The following CCSER1 variants were observed in gnomAD, a reference collection of about 807,000 sequenced individuals.
CCSER1 encodes the protein serine-rich coiled-coil domain-containing protein 1.
A neutral mutation model predicts 82.0 loss-of-function variants in CCSER1; 41 were observed. The observed-to-expected ratio is 0.50, with a 90% CI of 0.39 to 0.65. CCSER1 has a LOEUF of 0.65. Among genes scored for constraint, CCSER1 ranks in the 30% least tolerant of loss-of-function variants. The pLI is 0.00. For synonymous variants in CCSER1, 414 were observed against 383.9 expected (o/e 1.08, Z -0.92); for missense variants, 1,119 against 1,064.2 (o/e 1.05, Z -0.72).
intron 4 of CCSER1, among the ~76,000 whole-genome samples, chr4:90,451,017 A>G (rs1275167012): frequency 6.6e-6 from 1 of 152,190 alleles, no homozygotes; most frequent in Non-Finnish European, 1.5e-5. Flanking sequence ...TCCATGGAAT[A>G]TGAGTATCTT....
At chr4:90,873,059 C>T (rs1445541926) in intron 8 of CCSER1, among the ~76,000 whole-genome samples, 8 of 151,894 alleles carry the variant, frequency 5.3e-5, no homozygotes, top group African/African-American at 9.7e-5. Flanking sequence ...TAGTCTTATG[C>T]GGGTTAAATC....
chr4:91,199,818 A>C (rs1735757792), intron 10 of CCSER1, among the ~76,000 whole-genome samples: 1 of 152,040 alleles, frequency 6.6e-6, no homozygotes, highest in Non-Finnish European at 1.5e-5. Context: ...TGGACATGTC[A>C]GTGATTATAG....
chr4:91,220,078 C>T (rs535765163), intron 10 of CCSER1, among the ~76,000 whole-genome samples: 21 of 152,282 alleles, frequency 1.4e-4, no homozygotes, highest in Middle Eastern at 3.4e-3. Flanking sequence ...CCTCCCGAGT[C>T]ACTTTTGGGA....
rs926417906 is a variant in CCSER1 at position 91,144,458 on chromosome 4, G to A, written c.2217+58464G>A. 1.4e-4 allele frequency among the ~76,000 whole-genome samples: 21 copies of A among 151,650 alleles called. No individual in the cohort carries two copies. The East Asian group carries it at 1.9e-3, about 14-fold the overall frequency. On this transcript the variant is annotated intron_variant, in intron 10 of 10. Coordinates refer to ENST00000509176, the MANE Select transcript of CCSER1 (RefSeq NM_001145065.2). ...GTATGAATTTTTGGGTCTCAATTTC[G>A]TTTAGTTCTATTTGGATTTTAGTTA...
intron 10 of CCSER1, among the ~76,000 whole-genome samples, chr4:91,140,611 G>A (rs1356053763): frequency 1.3e-5 from 2 of 152,066 alleles, no homozygotes; most frequent in Middle Eastern, 3.4e-3. Context: ...CATACAACCT[G>A]TACATTTCTC....
At chr4:90,210,450 C>CTTT (rs11438395) in intron 1 of CCSER1, among the ~76,000 whole-genome samples, 1 of 141,298 alleles carries the variant, frequency 7.1e-6, no homozygotes, top group African/African-American at 2.7e-5. Context: ...CTTTTCTTTT[C>CTTT]TTTTTTTTTT....
At chr4:90,706,047 G>A (rs1343326099) in intron 6 of CCSER1, among the ~76,000 whole-genome samples, 3 of 152,132 alleles carry the variant, frequency 2.0e-5, no homozygotes, top group Admixed American at 6.5e-5. Context: ...TGCAGAAATC[G>A]CCCATCTTCT....
intron 8 of CCSER1, chr4:90,839,059 C>A: frequency 6.2e-7 from 1 of 1,606,554 alleles, no homozygotes; most frequent in Non-Finnish European, 8.5e-7. Context: ...AAAAGCGGAG[C>A]GAGGCGCGCG....
At chr4:91,048,718 C>T (rs1329073457) in intron 9 of CCSER1, among the ~76,000 whole-genome samples, 3 of 152,122 alleles carry the variant, frequency 2.0e-5, no homozygotes, top group Admixed American at 2.0e-4. Flanking sequence ...TGAAATCTTT[C>T]TGTGTTTCTA....
In CCSER1 at chr4:90,715,398, G is replaced by A. The variant is rs139493337; in HGVS notation, c.1933-8516G>A. Among the ~76,000 whole-genome samples, 3 of 152,042 alleles carry A rather than the reference G, an allele frequency of 2.0e-5. No homozygotes were observed. The East Asian group carries it at 5.8e-4, about 29-fold the overall frequency. ...TGGGTTATTGCCTTGCCATAGCCTA[G>A]TAATTTGGGTTATTCTAGGGTTTGG... On this transcript the variant is annotated intron_variant, in intron 6 of 10. Coordinates refer to ENST00000509176, the MANE Select transcript of CCSER1 (RefSeq NM_001145065.2).
intron 10 of CCSER1, among the ~76,000 whole-genome samples, chr4:91,598,323 A>G (rs1258001887): frequency 6.6e-6 from 1 of 152,168 alleles, no homozygotes; most frequent in Non-Finnish European, 1.5e-5. Flanking sequence ...GAAGCTATAT[A>G]ATTCAAATTT....
chr4:90,808,503 C>G (rs1757812524), intron 7 of CCSER1, among the ~76,000 whole-genome samples: 1 of 152,036 alleles, frequency 6.6e-6, no homozygotes, highest in South Asian at 2.1e-4. Context: ...CGACAAAGAA[C>G]TAATATCCAG....
At chr4:90,379,563 A>T (rs568913722) in intron 3 of CCSER1, among the ~76,000 whole-genome samples, 1 of 152,146 alleles carries the variant, frequency 6.6e-6, no homozygotes, top group Non-Finnish European at 1.5e-5. Context: ...TTTTGATTAT[A>T]GGGGAAGGAA....
At chr4:90,241,843 T>G (rs1746910152) in intron 1 of CCSER1, among the ~76,000 whole-genome samples, 1 of 152,232 alleles carries the variant, frequency 6.6e-6, no homozygotes, top group African/African-American at 2.4e-5. Flanking sequence ...CTATAAAAAC[T>G]ATTATGATTC....
In CCSER1 at chr4:90,389,771, G is replaced by A. The variant is rs375125328; in HGVS notation, c.1510-10265G>A. On this transcript the variant is annotated intron_variant, in intron 3 of 10. Coordinates refer to ENST00000509176, the MANE Select transcript of CCSER1 (RefSeq NM_001145065.2). ...ACACAGCACATGGTGTGTCTGTTCT[G>A]TGAGTCCAGCACATGCTGAACATAA... Among the ~76,000 whole-genome samples, 25 of 152,216 alleles carry A rather than the reference G, an allele frequency of 1.6e-4. No homozygotes were observed. In the East Asian group the frequency reaches 4.6e-3, roughly 28 times the overall value.
rs559864106 is a variant in CCSER1, at chr4:91,121,903, A to G, written c.2217+35909A>G. Among the ~76,000 whole-genome samples the G allele has an allele frequency of 2.6e-5, 4 of 151,688 alleles. No homozygotes were observed. The East Asian group carries it at 7.7e-4, about 29-fold the overall frequency. ...ATAGATAAATATTGATAAATTATCT[A>G]TGGATGTCAAAAGAAATTAAGTAGA... is the stretch of plus-strand genomic sequence containing the variant. On this transcript the variant is annotated intron_variant, in intron 10 of 10. Transcript: ENST00000509176.
intron 9 of CCSER1, chr4:91,017,216 TGAGG>T (rs1363341698): frequency 2.6e-5 from 4 of 152,106 alleles, no homozygotes; most frequent in Non-Finnish European, 5.9e-5. Flanking sequence ...CTTCTCCTGA[TGAGG>T]GAGAAGTGGA....
chr4:91,323,937 A>G (rs1416233928), intron 10 of CCSER1, among the ~76,000 whole-genome samples: 1 of 152,146 alleles, frequency 6.6e-6, no homozygotes, highest in Non-Finnish European at 1.5e-5. Flanking sequence ...GATTAAGCAC[A>G]ATTTTGTCTT....
Position 90,309,509 on chromosome 4 carries a change from G to T in CCSER1, c.1225G>T (p.Gly409Trp), listed in dbSNP as rs758876018. ...TAAAGCAATAGCGGAACATGTAAAA[G>T]GGATCCATCCTATTTCAGATTCAAA... ...QHKAIAEHVK[G>W]IHPISDSKII... Residue 409 changes from glycine to tryptophan, a missense_variant, in exon 2 of 11, where the codon GGG becomes TGG. Gly to Trp is a radical substitution (Grantham distance 184, BLOSUM62 -2). Transcript: ENST00000509176. 2 of 1,613,584 alleles carry T rather than the reference G, an allele frequency of 1.2e-6. No individual in the cohort carries two copies. Among genetic ancestry groups the T allele is most frequent in the Non-Finnish European group, 1.7e-6 (2 of 1,179,746 alleles).
Sources: gnomAD v4.1 joint callset for allele counts (sites outside exome capture counted in the v4.1 genomes callset) on GRCh38, gnomAD v4.1.1 for gene constraint, MANE v1.5 for transcripts, NCBI Gene and HGNC (gene_info 2026-07-23, HGNC 2026-07-21) for gene names.